Variants in DOP1B observed in about 807,000 individuals in gnomAD.
DOP1B encodes protein DOP1B.
Under a neutral mutation model 233.5 loss-of-function variants are expected in DOP1B, and 174 were observed. The observed-to-expected ratio is 0.75, with a 90% confidence interval of 0.66 to 0.85. The LOEUF (loss-of-function observed/expected upper bound fraction) is 0.85. Among genes scored for constraint, DOP1B ranks in the 40% least tolerant of loss-of-function variants. The probability of loss-of-function intolerance (pLI) is 0.00; values close to 1 mark genes in which losing one functional copy is unlikely to be tolerated. For missense variants in DOP1B, 2,652 were observed against 2,846.6 expected (o/e 0.93, Z 1.56); for synonymous variants, 1,190 against 1,185.6 (o/e 1.00, Z -0.08).
At chr21:36,244,625 CA>C (rs2066933301) in intron 18 of DOP1B, among the ~76,000 whole-genome samples, 1 of 152,020 alleles carries the variant, frequency 6.6e-6, no homozygotes, top group Non-Finnish European at 1.5e-5. Context: ...AGGGTTTCAC[CA>C]TTTTGGCGAG....
chr21:36,240,337 G>A (rs552133825), intron 18 of DOP1B, among the ~76,000 whole-genome samples: 4 of 151,952 alleles, frequency 2.6e-5, no homozygotes, highest in East Asian at 1.9e-4. Flanking sequence ...AAAATTAGCC[G>A]GGCGTGGTGG....
In DOP1B at chr21:36,227,152, G is replaced by A. The variant is rs536482166; in HGVS notation, c.1474-534G>A. On this transcript the variant is annotated intron_variant, in intron 12 of 36. Transcript: ENST00000691173. ...GAACCTGGGAGGCAGAGCTTGCAGTGAGCCGAGATCACACCACTGCACTCC... is the reference window on the plus strand; with the variant it reads ...GAACCTGGGAGGCAGAGCTTGCAGTAAGCCGAGATCACACCACTGCACTCC... Among the ~76,000 whole-genome samples, 807 of 149,776 alleles carry A rather than the reference G, an allele frequency of 5.4e-3. 31 individuals carry two copies. The East Asian group carries it at 0.093, about 17-fold the overall frequency.
At chr21:36,167,543 G>C (rs1601375177) in intron 2 of DOP1B, among the ~76,000 whole-genome samples, 1 of 152,106 alleles carries the variant, frequency 6.6e-6, no homozygotes, top group South Asian at 2.1e-4. Context: ...TCTTTATTGA[G>C]ATAAAATTCA....
At chr21:36,187,764 GC>G (rs1463003888) in intron 2 of DOP1B, among the ~76,000 whole-genome samples, 1 of 151,930 alleles carries the variant, frequency 6.6e-6, no homozygotes, top group African/African-American at 2.4e-5. Context: ...CACATCACAT[GC>G]CCAGCTAATT....
At chr21:36,287,510 A>G (rs1041270554) in intron 32 of DOP1B, among the ~76,000 whole-genome samples, 2 of 151,318 alleles carry the variant, frequency 1.3e-5, no homozygotes, top group East Asian at 3.9e-4. Context: ...GGCAAGAGCC[A>G]TGAACTGCTG....
chr21:36,271,896 GCTGAGGTGGGCGGGTCGC>G (rs1410348283), intron 27 of DOP1B, among the ~76,000 whole-genome samples: 1 of 151,594 alleles, frequency 6.6e-6, no homozygotes, highest in Non-Finnish European at 1.5e-5. Context: ...ACTTTGGGAG[GCTGAGGTGGGCGGGTCGC>G]CTGAGGTGAT....
At chr21:36,191,128 G>A (rs1414758326) in intron 2 of DOP1B, among the ~76,000 whole-genome samples, 1 of 152,138 alleles carries the variant, frequency 6.6e-6, no homozygotes, top group Non-Finnish European at 1.5e-5. Context: ...AGTTTTCCTA[G>A]CCGTGGCTAG....
chr21:36,248,085 G>A (rs2066990071), intron 20 of DOP1B, among the ~76,000 whole-genome samples: 1 of 152,126 alleles, frequency 6.6e-6, no homozygotes, highest in African/African-American at 2.4e-5. Context: ...TTTAGCTGTT[G>A]GTTATTCTAC....
At chr21:36,209,477 G>A (rs2066467241) in intron 5 of DOP1B, among the ~76,000 whole-genome samples, 1 of 152,220 alleles carries the variant, frequency 6.6e-6, no homozygotes, top group Admixed American at 6.5e-5. Flanking sequence ...GTGCTTAGCT[G>A]CACACGGCGC....
At chr21:36,262,285 A>G (rs960361292) in intron 24 of DOP1B, among the ~76,000 whole-genome samples, 7 of 152,190 alleles carry the variant, frequency 4.6e-5, no homozygotes, top group African/African-American at 1.2e-4. Flanking sequence ...GAGCTTTCCC[A>G]GGAGCTGCAG....
chr21:36,170,742 C>T (rs996008951), intron 2 of DOP1B, among the ~76,000 whole-genome samples: 2 of 151,044 alleles, frequency 1.3e-5, no homozygotes, highest in East Asian at 3.9e-4. Context: ...CTGCAGTGAG[C>T]ATGATCATGC....
At position 36,263,560 on chromosome 21, in the gene DOP1B, C is replaced by T; in HGVS notation, c.5330C>T (p.Ala1777Val). The part of the protein sequence containing the change: ...YAFLQRLPVP[A>V]LQENFSSLLG... ...TAAAAAAACAGGCTCCCAGTACCAG[C>T]CTTGCAAGAGAACTTTTCTTCACTG... is the stretch of plus-strand genomic sequence containing the variant. Residue 1777 changes from alanine (A) to valine (V), a missense_variant, in exon 25 of 37, where the codon GCC (alanine) becomes GTC (valine). Transcript: ENST00000691173. The T allele has an allele frequency of 6.2e-7, 1 of 1,614,114 alleles. No individual in the cohort carries two copies. The highest frequency in any genetic ancestry group is 1.7e-5 in the Admixed American group (1 of 60,004).
At chr21:36,247,989 T>G (rs1373540672) in intron 20 of DOP1B, among the ~76,000 whole-genome samples, 1 of 152,230 alleles carries the variant, frequency 6.6e-6, no homozygotes, top group Non-Finnish European at 1.5e-5. Context: ...TAAAGCCACT[T>G]GTTTGATTTT....
rs989258993 is a variant in DOP1B at position 36,238,604 on chromosome 21, A to G, written c.2779A>G (p.Thr927Ala). 3 of 1,614,114 alleles carry G rather than the reference A, an allele frequency of 1.9e-6. No homozygotes were observed. Among genetic ancestry groups the G allele is most frequent in the African/African-American group, 2.7e-5 (2 of 74,956 alleles). The change falls in exon 17 of 37, where the codon ACA (threonine) becomes GCA (alanine). Residue 927 changes from threonine (T) to alanine (A), a missense_variant. Thr to Ala is a moderately conservative substitution (Grantham distance 58). Transcript: ENST00000691173. ...CHALLDPDKG[T>A]RLEALFRFSV... ...TCCCATGTATCTCCTCATCAAGGGAACAAGGCTGGAAGCTCTGTTTAGATT... is the reference window on the plus strand; with the variant it reads ...TCCCATGTATCTCCTCATCAAGGGAGCAAGGCTGGAAGCTCTGTTTAGATT...
chr21:36,199,441 T>G (rs1268187412), intron 3 of DOP1B, among the ~76,000 whole-genome samples, 190 bp downstream of exon 3: 1 of 151,852 alleles, frequency 6.6e-6, no homozygotes, highest in Non-Finnish European at 1.5e-5. Context: ...TTGCTTTCTT[T>G]CTTTTTTTTT....
At chr21:36,278,146 A>T in intron 29 of DOP1B, 62 bp downstream of exon 29, 1 of 1,613,370 alleles carries the variant, frequency 6.2e-7, no homozygotes, top group Non-Finnish European at 8.5e-7. Context: ...TCACAAATGA[A>T]TCAAGTAGTT....
chr21:36,158,677 C>T (rs1433642602), intron 1 of DOP1B, among the ~76,000 whole-genome samples: 1 of 151,798 alleles, frequency 6.6e-6, no homozygotes, highest in Non-Finnish European at 1.5e-5. Flanking sequence ...GTGGCATGCG[C>T]CTGTAGTCCC....
At chr21:36,165,000 A>G (rs1163823695) in intron 2 of DOP1B, 129 bp downstream of exon 2, 2 of 761,548 alleles carry the variant, frequency 2.6e-6, no homozygotes, top group Non-Finnish European at 3.5e-6. Context: ...ATTATACAGT[A>G]TAATCTTTAT....
At chr21:36,291,343 G>A (rs530325125) in intron 35 of DOP1B, among the ~76,000 whole-genome samples, 1 of 152,044 alleles carries the variant, frequency 6.6e-6, no homozygotes, top group East Asian at 1.9e-4. Flanking sequence ...GGTGGATCAC[G>A]AGGTCAGGAG....
Sources: allele counts gnomAD v4.1 joint callset (sites outside exome capture counted in the v4.1 genomes callset), GRCh38; gene constraint gnomAD v4.1.1; transcripts MANE v1.5; gene names NCBI Gene and HGNC (gene_info 2026-07-23, HGNC 2026-07-21).